The following NFKBIZ variants were observed in gnomAD, a reference collection of about 807,000 sequenced individuals.
NFKBIZ encodes NF-kappa-B inhibitor zeta.
Under a neutral mutation model 76.8 loss-of-function variants are expected in NFKBIZ, and 19 were observed. The observed-to-expected ratio is 0.25, with a 90% CI of 0.17 to 0.36. NFKBIZ has a LOEUF of 0.36. NFKBIZ is among the 10% of genes least tolerant of loss of function. The pLI is 1.00. For synonymous variants in NFKBIZ, 368 were observed against 354.8 expected (o/e 1.04, Z -0.42); for missense variants, 829 against 910.9 (o/e 0.91, Z 1.16).
chr3:101,845,199 C>T (rs879466292), upstream of NFKBIZ, among the ~76,000 whole-genome samples: 8 of 150,384 alleles, frequency 5.3e-5, no homozygotes, highest in Non-Finnish European at 7.4e-5. Context: ...ACCCGGGAGG[C>T]GGAGCTTGTG....
intron 11 of NFKBIZ, chr3:101,857,920 CTA>C: frequency 3.5e-6 from 3 of 858,784 alleles, no homozygotes; most frequent in Non-Finnish European, 4.2e-6. Context: ...TTATTTCTGT[CTA>C]TGAAGTGATA....
chr3:101,850,242 C>G (rs906999555), intron 1 of NFKBIZ: 52 of 274,910 alleles, frequency 1.9e-4, no homozygotes, highest in African/African-American at 1.1e-3. Flanking sequence ...AATTAATAAA[C>G]TATGATGAGA....
At chr3:101,851,108 C>G (rs923861865) in intron 1 of NFKBIZ, among the ~76,000 whole-genome samples, 5 of 152,218 alleles carry the variant, frequency 3.3e-5, no homozygotes, top group African/African-American at 1.2e-4. Context: ...TATCATTGAA[C>G]TGTTTATCTC....
chr3:101,857,562 G>A, intron 11 of NFKBIZ, 103 bp downstream of exon 11: 1 of 1,536,950 alleles, frequency 6.5e-7, no homozygotes, highest in Non-Finnish European at 8.7e-7. Flanking sequence ...TGCTCTTCAG[G>A]TGGACTCTAT....
intron 2 of NFKBIZ, among the ~76,000 whole-genome samples, chr3:101,841,301 G>T (rs1942781745): frequency 6.6e-6 from 1 of 152,156 alleles, no homozygotes. Context: ...ACAGCTGTCT[G>T]TGCCATAGCC....
chr3:101,830,680 T>C (rs1185891670), intron 2 of NFKBIZ, among the ~76,000 whole-genome samples: 1 of 152,214 alleles, frequency 6.6e-6, no homozygotes, highest in Non-Finnish European at 1.5e-5. Flanking sequence ...GCTGTGTAGA[T>C]TTCCACAGTG....
At chr3:101,851,574 G>A (rs1052272934) in intron 1 of NFKBIZ, among the ~76,000 whole-genome samples, 23 of 152,154 alleles carry the variant, frequency 1.5e-4, no homozygotes, top group Admixed American at 9.2e-4. Context: ...TTAGGTAAGC[G>A]GAATTGATAG....
At chr3:101,835,585 CAT>C (rs1942709068) in intron 2 of NFKBIZ, among the ~76,000 whole-genome samples, 1 of 152,190 alleles carries the variant, frequency 6.6e-6, no homozygotes, top group Admixed American at 6.5e-5. Context: ...TACGTCCTCA[CAT>C]GTGGCGTTTT....
intron 2 of NFKBIZ, among the ~76,000 whole-genome samples, chr3:101,842,618 G>A (rs562227783): frequency 1.0e-3 from 139 of 133,464 alleles, no homozygotes; most frequent in South Asian, 2.1e-3. Context: ...TAGCTCTTCA[G>A]CTGCCATTAG....
intron 5 of NFKBIZ, 41 bp downstream of exon 5, chr3:101,853,904 A>G (rs1408673942): frequency 4.4e-6 from 7 of 1,573,152 alleles, no homozygotes; most frequent in East Asian, 4.5e-5. Context: ...TAGGTAAGCC[A>G]CACTTGTTGG....
At chr3:101,830,308 CTTTA>C (rs1236262240) in intron 2 of NFKBIZ, among the ~76,000 whole-genome samples, 1 of 152,090 alleles carries the variant, frequency 6.6e-6, no homozygotes, top group Admixed American at 6.5e-5. Context: ...CTGTAATTAG[CTTTA>C]TTTTATTTAT....
At chr3:101,836,495 C>T (rs1444766707) in intron 2 of NFKBIZ, among the ~76,000 whole-genome samples, 1 of 152,174 alleles carries the variant, frequency 6.6e-6, no homozygotes, top group Non-Finnish European at 1.5e-5. Context: ...AATGTAAGCT[C>T]TGTAAGGGCA....
At chr3:101,855,528 A>G in intron 8 of NFKBIZ, 70 bp downstream of exon 8, 2 of 1,430,554 alleles carry the variant, frequency 1.4e-6, no homozygotes, top group Non-Finnish European at 9.8e-7. Context: ...GGTGCTAAGT[A>G]TACTAAGAAG....
At chr3:101,848,044 C>T (rs1942880001), upstream of NFKBIZ, among the ~76,000 whole-genome samples, 1 of 152,216 alleles carries the variant, frequency 6.6e-6, no homozygotes, top group African/African-American at 2.4e-5. Context: ...GCTCTGCTTT[C>T]TGTCAATTTA....
At chr3:101,848,941 G>A (rs573271914), upstream of NFKBIZ, 1 of 152,364 alleles carries the variant, frequency 6.6e-6, no homozygotes, top group South Asian at 2.1e-4. Context: ...TGAGAAGGGA[G>A]GCTACGCTGG....
At chr3:101,852,845 A>G (rs1389460392) in intron 3 of NFKBIZ, 41 bp from the exon 4 acceptor site, 44 of 1,600,192 alleles carry the variant, frequency 2.7e-5, no homozygotes, top group Non-Finnish European at 3.7e-5. Flanking sequence ...TAACATTTAT[A>G]AAATAAAATG....
chr3:101,837,266 C>T (rs916280757), intron 2 of NFKBIZ, among the ~76,000 whole-genome samples: 1 of 152,160 alleles, frequency 6.6e-6, no homozygotes, highest in East Asian at 1.9e-4. Flanking sequence ...CTCAGTAAAT[C>T]TAGCTTTTCT....
In NFKBIZ at chr3:101,855,441, A is replaced by G; in HGVS notation, c.1637A>G (p.Glu546Gly). 1.9e-6 allele frequency: 3 copies of G among 1,614,148 alleles called. No individual in the cohort carries two copies. Among genetic ancestry groups the G allele is most frequent in the Non-Finnish European group, 8.5e-7 (1 of 1,179,982 alleles). ...AVGSNQFVDL[E>G]ATNYDGLTPL... is the part of the protein sequence containing the mutation. ...GGAAGTAATCAGTTTGTGGATCTTG[A>G]GGCAACTAACTATGATGGTAAGCAA... is the stretch of plus-strand genomic sequence containing the variant. Residue 546 changes from glutamate to glycine, a missense_variant, in exon 8 of 12, where the codon GAG becomes GGG. Glu to Gly is a moderately conservative substitution (Grantham distance 98). This residue lies in a region of NFKBIZ where 272 missense variants were observed against 384.2 expected (regional missense o/e 0.71). Coordinates refer to ENST00000326172, the MANE Select transcript of NFKBIZ (RefSeq NM_031419.4).
intron 8 of NFKBIZ, 56 bp from the exon 9 acceptor site, chr3:101,855,677 G>A (rs1037175344): frequency 6.6e-7 from 1 of 1,521,612 alleles, no homozygotes; most frequent in Non-Finnish European, 8.8e-7. Flanking sequence ...CATTATAGAA[G>A]GACCAAAAGA....
Sources: allele counts gnomAD v4.1 joint callset (sites outside exome capture counted in the v4.1 genomes callset), GRCh38; gene constraint gnomAD v4.1.1; regional missense constraint gnomAD v4.1.1; transcripts MANE v1.5; gene names NCBI Gene and HGNC (gene_info 2026-07-23, HGNC 2026-07-21).